Variants in THEMIS observed in about 807,000 individuals in gnomAD.
THEMIS encodes protein THEMIS.
In THEMIS, 37 loss-of-function variants were observed where a neutral mutation model predicts 52.6. That is an observed-to-expected ratio of 0.70 (90% CI 0.54 to 0.93). The LOEUF (loss-of-function observed/expected upper bound fraction) is 0.93. Ranked by LOEUF, THEMIS falls within the 40% of genes least tolerant of loss-of-function variation. The pLI is 0.00. For missense variants in THEMIS, 808 were observed against 763.1 expected (o/e 1.06, Z -0.69); for synonymous variants, 292 against 272.7 (o/e 1.07, Z -0.70).
At chr6:127,718,068 T>C (rs1774233491) in intron 5 of THEMIS, among the ~76,000 whole-genome samples, 1 of 151,826 alleles carries the variant, frequency 6.6e-6, no homozygotes, top group Admixed American at 6.6e-5. Context: ...GAAGAACATA[T>C]ACTATATTAT....
chr6:127,856,551 A>T (rs1439802254), intron 1 of THEMIS, among the ~76,000 whole-genome samples: 4 of 151,990 alleles, frequency 2.6e-5, no homozygotes, highest in Non-Finnish European at 5.9e-5. Context: ...CTTCCCAGGC[A>T]GAGTGGGTAT....
At chr6:127,824,179 C>T (rs898945289) in intron 3 of THEMIS, among the ~76,000 whole-genome samples, 1 of 152,110 alleles carries the variant, frequency 6.6e-6, no homozygotes, top group African/African-American at 2.4e-5. Context: ...TCTCCCTCTG[C>T]AGGAAACAGT....
At chr6:127,729,731 G>A (rs751716578) in intron 4 of THEMIS, among the ~76,000 whole-genome samples, 6 of 151,946 alleles carry the variant, frequency 3.9e-5, no homozygotes, top group South Asian at 2.1e-4. Flanking sequence ...AGAGCAATCC[G>A]CTTACTGCTC....
intron 4 of THEMIS, among the ~76,000 whole-genome samples, chr6:127,803,910 A>C (rs546709725): frequency 6.6e-6 from 1 of 152,224 alleles, no homozygotes; most frequent in Non-Finnish European, 1.5e-5. Flanking sequence ...TACAGCTAGC[A>C]TCTCCCAGGA....
chr6:127,730,498 A>C (rs1434465035), intron 4 of THEMIS, among the ~76,000 whole-genome samples: 1 of 150,892 alleles, frequency 6.6e-6, no homozygotes, highest in East Asian at 2.0e-4. Flanking sequence ...GAAAGAAAGA[A>C]ATGAAAAAGA....
intron 4 of THEMIS, among the ~76,000 whole-genome samples, chr6:127,725,418 A>G (rs545879226): frequency 2.6e-5 from 4 of 151,472 alleles, no homozygotes; most frequent in Non-Finnish European, 4.4e-5. Flanking sequence ...TCTGTATGTA[A>G]TCTGTCTCCT....
intron 4 of THEMIS, among the ~76,000 whole-genome samples, chr6:127,791,495 C>T (rs1294993802): frequency 6.6e-6 from 1 of 152,138 alleles, no homozygotes; most frequent in African/African-American, 2.4e-5. Context: ...TGCTGATCGG[C>T]CCGTGAGCAG....
chr6:127,816,169 C>T (rs1319923449), intron 3 of THEMIS, among the ~76,000 whole-genome samples: 2 of 152,042 alleles, frequency 1.3e-5, no homozygotes, highest in African/African-American at 2.4e-5. Context: ...TTGCTTTCCC[C>T]TTATGTCACT....
At chr6:127,847,751 A>G (rs2114715284) in intron 2 of THEMIS, among the ~76,000 whole-genome samples, 1 of 152,000 alleles carries the variant, frequency 6.6e-6, no homozygotes, top group Middle Eastern at 3.4e-3. Context: ...TGCAATTCCC[A>G]TCAAAATACC....
At chr6:127,787,006 T>A (rs2042946493) in intron 4 of THEMIS, among the ~76,000 whole-genome samples, 1 of 152,060 alleles carries the variant, frequency 6.6e-6, no homozygotes, top group African/African-American at 2.4e-5. Context: ...TCCAAGAGCA[T>A]TGCCACTATG....
At chr6:127,756,614 A>G (rs1204267131) in intron 4 of THEMIS, among the ~76,000 whole-genome samples, 1 of 152,202 alleles carries the variant, frequency 6.6e-6, no homozygotes, top group Non-Finnish European at 1.5e-5. Context: ...GCTACTGTAC[A>G]TAGCTGAAGA....
At chr6:127,794,444 A>G (rs1390939420) in intron 4 of THEMIS, among the ~76,000 whole-genome samples, 2 of 152,188 alleles carry the variant, frequency 1.3e-5, no homozygotes, top group East Asian at 3.9e-4. Context: ...CTCTGATGTC[A>G]TCTCCTTTTA....
At chr6:127,872,038 T>G (rs1374131072) in intron 1 of THEMIS, among the ~76,000 whole-genome samples, 1 of 152,136 alleles carries the variant, frequency 6.6e-6, no homozygotes, top group Non-Finnish European at 1.5e-5. Context: ...TTCATTAATA[T>G]AGACAAAAAT....
chr6:127,818,120 A>G (rs1778199119), intron 3 of THEMIS, among the ~76,000 whole-genome samples: 1 of 152,172 alleles, frequency 6.6e-6, no homozygotes. Flanking sequence ...GGGAAAAAGC[A>G]ATACCCAACT....
At chr6:127,820,286 A>G (rs1778292759) in intron 3 of THEMIS, among the ~76,000 whole-genome samples, 1 of 152,118 alleles carries the variant, frequency 6.6e-6, no homozygotes, top group South Asian at 2.1e-4. Context: ...ATTTTATGAA[A>G]GGCATGGCCA....
chr6:127,895,229 G>A (rs1409866842), intron 1 of THEMIS, among the ~76,000 whole-genome samples: 1 of 151,114 alleles, frequency 6.6e-6, no homozygotes, highest in East Asian at 1.9e-4. Flanking sequence ...ATATTAACAA[G>A]GAACTTTAGA....
At position 127,891,457 on chromosome 6, in the gene THEMIS, A is replaced by T. The variant is rs142398109; in HGVS notation, c.91+9385T>A. The stretch of plus-strand genomic sequence containing the variant: ...AGACTGAGACAGGAAAATCGCTTGA[A>T]TCCGGGAGGTGGAGGTTGCAGTGAG... On this transcript the variant is annotated intron_variant, in intron 1 of 5. Transcript: ENST00000368248. 8.7e-3 allele frequency among the ~76,000 whole-genome samples: 1,317 copies of T among 151,102 alleles called. 19 individuals carry two copies. Among genetic ancestry groups the T allele is most frequent in the African/African-American group, 0.031 (1,258 of 41,158 alleles).
At chr6:127,756,161 A>C (rs1775818644) in intron 4 of THEMIS, among the ~76,000 whole-genome samples, 4 of 152,232 alleles carry the variant, frequency 2.6e-5, no homozygotes, top group Admixed American at 1.3e-4. Context: ...GTAAGTACTC[A>C]TTTGCATTAT....
intron 4 of THEMIS, among the ~76,000 whole-genome samples, chr6:127,804,606 A>G (rs1777639977): frequency 6.6e-6 from 1 of 152,176 alleles, no homozygotes; most frequent in Non-Finnish European, 1.5e-5. Flanking sequence ...ATGTCTGACA[A>G]CATTGTGAGA....
Sources: gnomAD v4.1 joint callset for allele counts (sites outside exome capture counted in the v4.1 genomes callset) on GRCh38, gnomAD v4.1.1 for gene constraint, MANE v1.5 for transcripts, NCBI Gene and HGNC (gene_info 2026-07-23, HGNC 2026-07-21) for gene names.